The following DLGAP1 variants were observed in gnomAD, a reference collection of about 807,000 sequenced individuals.
The protein encoded by DLGAP1 is disks large-associated protein 1.
Under a neutral mutation model 90.8 loss-of-function variants are expected in DLGAP1, and 11 were observed. The observed-to-expected ratio is 0.12, with a 90% CI of 0.08 to 0.20. The LOEUF (loss-of-function observed/expected upper bound fraction) is 0.20. Ranked by LOEUF, DLGAP1 falls within the 10% of genes least tolerant of loss-of-function variation. The pLI is 1.00. For synonymous variants in DLGAP1, 558 were observed against 540.7 expected (o/e 1.03, Z -0.44); for missense variants, 1,050 against 1,333.8 (o/e 0.79, Z 3.31).
intron 7 of DLGAP1, chr18:3,597,822 C>G (rs1012517889): frequency 6.5e-6 from 1 of 154,130 alleles, no homozygotes; most frequent in Non-Finnish European, 1.4e-5. Flanking sequence ...GAATAATTAC[C>G]TGGATCTGGA....
In DLGAP1 at chr18:3,498,916, A is replaced by T. The variant is rs1253831920; in HGVS notation, c.*269T>A. The T allele has an allele frequency of 2.1e-6, 1 of 480,832 alleles. No homozygotes were observed. Among genetic ancestry groups the T allele is most frequent in the Admixed American group, 3.9e-5 (1 of 25,586 alleles). The allele number at this position is 480,832 out of a possible 1,614,324, so 29.8% of individuals were successfully genotyped here. Reference sequence around the variant, plus strand: ...TGGGTTTGGCTTTGCCCAGAAAATAAAGGGTTGGATCTCAGTATGAGGCAG... The same window carrying T: ...TGGGTTTGGCTTTGCCCAGAAAATATAGGGTTGGATCTCAGTATGAGGCAG... On this transcript the variant is annotated 3_prime_UTR_variant, in exon 13 of 13. Coordinates refer to ENST00000315677, the MANE Select transcript of DLGAP1 (RefSeq NM_004746.4).
intron 2 of DLGAP1, among the ~76,000 whole-genome samples, chr18:4,092,834 G>A (rs1377444191): frequency 6.6e-6 from 1 of 152,140 alleles, no homozygotes; most frequent in East Asian, 1.9e-4. Flanking sequence ...TGACTGGGTA[G>A]GAGTTCCCTT....
At chr18:3,966,732 C>T (rs747355545) in intron 3 of DLGAP1, among the ~76,000 whole-genome samples, 4 of 152,106 alleles carry the variant, frequency 2.6e-5, no homozygotes, top group Non-Finnish European at 5.9e-5. Flanking sequence ...TGTTTTGGAC[C>T]TGTTACATTG....
intron 2 of DLGAP1, among the ~76,000 whole-genome samples, chr18:4,026,560 T>C (rs1013615088): frequency 1.3e-5 from 2 of 152,212 alleles, no homozygotes; most frequent in African/African-American, 2.4e-5. Context: ...ATTTTCTTTC[T>C]ATAGCACTAT....
At position 4,392,498 on chromosome 18, in the gene DLGAP1, G is replaced by A. The variant is rs1372484669; in HGVS notation, c.-267+62508C>T. Among the ~76,000 whole-genome samples, 4 of 152,094 alleles carry A rather than the reference G, an allele frequency of 2.6e-5. No homozygotes were observed. In the East Asian group the frequency reaches 7.7e-4, roughly 29 times the overall value. Reference sequence around the variant, plus strand: ...TTTCAGATGCTCCAAGAAAAAAAAGGAATTTGATCTTGTGTCATAACACAC... The same window carrying A: ...TTTCAGATGCTCCAAGAAAAAAAAGAAATTTGATCTTGTGTCATAACACAC... On this transcript the variant is annotated intron_variant, in intron 1 of 12. Transcript: ENST00000315677.
At chr18:3,533,952 A>T (rs1454721394) in intron 10 of DLGAP1, among the ~76,000 whole-genome samples, 2 of 152,170 alleles carry the variant, frequency 1.3e-5, no homozygotes, top group African/African-American at 4.8e-5. Context: ...AAAGAAAAAG[A>T]ACGTCATGGG....
chr18:3,924,132 TAGTG>T (rs2072328226), intron 3 of DLGAP1, among the ~76,000 whole-genome samples: 1 of 152,172 alleles, frequency 6.6e-6, no homozygotes, highest in Non-Finnish European at 1.5e-5. Flanking sequence ...ATTACAGAAA[TAGTG>T]AGCCTGGCAG....
intron 5 of DLGAP1, among the ~76,000 whole-genome samples, chr18:3,744,852 T>C (rs898020827): frequency 2.0e-5 from 3 of 152,154 alleles, no homozygotes; most frequent in South Asian, 2.1e-4. Flanking sequence ...TAAATCTCCA[T>C]AGAAATTTTA....
intron 4 of DLGAP1, among the ~76,000 whole-genome samples, chr18:3,842,259 G>T (rs747480034): frequency 7.2e-5 from 11 of 152,106 alleles, no homozygotes; most frequent in Non-Finnish European, 1.5e-4. Flanking sequence ...AGAGTGGACA[G>T]AGGGAGTGTT....
rs1225314388 is a variant in DLGAP1 at position 3,775,986 on chromosome 18, C to T, written c.1173-33474G>A. On this transcript the variant is annotated intron_variant, in intron 5 of 12. Coordinates refer to ENST00000315677, the MANE Select transcript of DLGAP1 (RefSeq NM_004746.4). This position sits in a 1 kb window ranked among gnomAD's most constrained non-coding sequence, Gnocchi z 4.9. Reference sequence around the variant, plus strand: ...CGTCCTTGGAATTCAGAACGAATGCCCATGTCACTGTACATTCTGCCAAGA... The same window carrying T: ...CGTCCTTGGAATTCAGAACGAATGCTCATGTCACTGTACATTCTGCCAAGA... Among the ~76,000 whole-genome samples the T allele has an allele frequency of 6.7e-6, 1 of 149,592 alleles. No homozygotes were observed. The highest frequency in any genetic ancestry group is 2.5e-5 in the African/African-American group (1 of 40,670).
At chr18:3,772,373 T>C (rs375475168) in intron 5 of DLGAP1, among the ~76,000 whole-genome samples, 160 of 15,120 alleles carry the variant, frequency 0.011, 1 homozygote, top group East Asian at 0.023. Flanking sequence ...TCTTTCTTTC[T>C]TTCTTTCTTT....
At chr18:3,870,010 G>A (rs1013425047) in intron 4 of DLGAP1, among the ~76,000 whole-genome samples, 1 of 152,198 alleles carries the variant, frequency 6.6e-6, no homozygotes, top group Non-Finnish European at 1.5e-5. Flanking sequence ...CATCAATAAA[G>A]CTTGCAGTCA....
chr18:3,894,668 T>C (rs1201086261), intron 3 of DLGAP1: 2 of 152,230 alleles, frequency 1.3e-5, no homozygotes, highest in Non-Finnish European at 2.9e-5. Flanking sequence ...CAGTTTAGGC[T>C]CTTTTTTGAT....
intron 7 of DLGAP1, among the ~76,000 whole-genome samples, chr18:3,669,930 C>T (rs1317986455): frequency 6.6e-6 from 1 of 152,178 alleles, no homozygotes; most frequent in Non-Finnish European, 1.5e-5. Context: ...ACATTCACCC[C>T]TAGACACTGC....
intron 1 of DLGAP1, among the ~76,000 whole-genome samples, chr18:4,432,588 T>C (rs911433202): frequency 1.2e-4 from 8 of 68,942 alleles, no homozygotes; most frequent in Middle Eastern, 7.2e-3. Flanking sequence ...TCACCTCACA[T>C]AGTGTGTGTG....
chr18:4,453,357 G>C (rs912859120), intron 1 of DLGAP1, among the ~76,000 whole-genome samples: 2 of 142,362 alleles, frequency 1.4e-5, no homozygotes, highest in African/African-American at 5.6e-5. Context: ...AAAACTTAAA[G>C]AAAACTTTAT....
Position 4,142,816 on chromosome 18 carries a change from C to A in DLGAP1, c.-159+8364G>T, listed in dbSNP as rs184932419. On this transcript the variant is annotated intron_variant, in intron 2 of 12. Coordinates refer to ENST00000315677, the MANE Select transcript of DLGAP1 (RefSeq NM_004746.4). The stretch of plus-strand genomic sequence containing the variant: ...TCACTATGGGCATATCTGTATTAGG[C>A]GGTACCCCAAGCCCAGCAATGCTGT... Among the ~76,000 whole-genome samples, 364 of 152,178 alleles carry A rather than the reference C, an allele frequency of 2.4e-3. 1 individual carries two copies. Among genetic ancestry groups the A allele is most frequent in the African/African-American group, 8.5e-3 (352 of 41,520 alleles).
At chr18:3,828,007 T>G (rs1333798507) in intron 4 of DLGAP1, among the ~76,000 whole-genome samples, 1 of 152,248 alleles carries the variant, frequency 6.6e-6, no homozygotes, top group African/African-American at 2.4e-5. Context: ...GACCCTAAAG[T>G]AATACTTCTT....
intron 4 of DLGAP1, among the ~76,000 whole-genome samples, chr18:3,832,810 A>C (rs2148568566): frequency 6.6e-6 from 1 of 152,302 alleles, no homozygotes; most frequent in Non-Finnish European, 1.5e-5. Context: ...AGTAGGGGCA[A>C]GAAGGCCCTT....
Sources: allele counts gnomAD v4.1 joint callset (sites outside exome capture counted in the v4.1 genomes callset), GRCh38; gene constraint gnomAD v4.1.1; non-coding constraint Gnocchi (gnomAD v3.1); transcripts MANE v1.5; gene names NCBI Gene and HGNC (gene_info 2026-07-23, HGNC 2026-07-21).